The following NDUFS4 variants were observed in gnomAD, a reference collection of about 807,000 sequenced individuals.
NDUFS4 encodes the protein NADH dehydrogenase [ubiquinone] iron-sulfur protein 4, mitochondrial.
NDUFS4 carries 28 observed loss-of-function variants against 24.3 expected under a neutral mutation model. That is an observed-to-expected ratio of 1.15 (90% confidence interval 0.85 to 1.58). The LOEUF (loss-of-function observed/expected upper bound fraction) is 1.58, where lower values mean the gene tolerates loss of function less well. Ranked by LOEUF, NDUFS4 falls within the 40% of genes most tolerant of loss-of-function variation. The pLI, the probability that NDUFS4 is intolerant of heterozygous loss-of-function variation, is 0.00. For synonymous variants in NDUFS4, 93 were observed against 69.7 expected (o/e 1.34, Z -1.67); for missense variants, 223 against 207.9 (o/e 1.07, Z -0.45).
chr5:53,601,768 C>G (rs1054248159), intron 1 of NDUFS4, among the ~76,000 whole-genome samples: 1 of 152,116 alleles, frequency 6.6e-6, no homozygotes, highest in Non-Finnish European at 1.5e-5. Flanking sequence ...TGAATCATCC[C>G]TTTGTCTAGT....
At chr5:53,639,641 A>AT (rs1751653861) in intron 2 of NDUFS4, among the ~76,000 whole-genome samples, 1 of 152,152 alleles carries the variant, frequency 6.6e-6, no homozygotes, top group African/African-American at 2.4e-5. Context: ...GTTCTCAACA[A>AT]TTAAACTGCT....
chr5:53,627,565 G>T (rs1327244957), intron 2 of NDUFS4, among the ~76,000 whole-genome samples: 1 of 152,052 alleles, frequency 6.6e-6, no homozygotes, highest in Non-Finnish European at 1.5e-5. Context: ...TTTTTGCAGT[G>T]GTTTGTAGTT....
intron 3 of NDUFS4, among the ~76,000 whole-genome samples, chr5:53,650,549 G>A (rs139341331): frequency 3.9e-5 from 6 of 152,334 alleles, no homozygotes; most frequent in African/African-American, 1.4e-4. Context: ...AGCCAGACCT[G>A]TTTGTTCAGA....
intron 1 of NDUFS4, among the ~76,000 whole-genome samples, chr5:53,592,259 G>A (rs960593646): frequency 1.3e-5 from 2 of 152,074 alleles, no homozygotes; most frequent in African/African-American, 4.8e-5. Context: ...GCATTGTTGA[G>A]TTTTAAGAGT....
At chr5:53,666,650 C>A (rs1401996240) in intron 4 of NDUFS4, among the ~76,000 whole-genome samples, 2 of 147,032 alleles carry the variant, frequency 1.4e-5, no homozygotes, top group Non-Finnish European at 3.0e-5. Context: ...AAATATATTT[C>A]TCTGACTGGG....
chr5:53,647,349 G>C (rs1415751439), intron 3 of NDUFS4, among the ~76,000 whole-genome samples: 1 of 151,964 alleles, frequency 6.6e-6, no homozygotes, highest in Non-Finnish European at 1.5e-5. Context: ...CAAGTAGCTG[G>C]GAATATAGGT....
chr5:53,594,727 T>C (rs1750078580), intron 1 of NDUFS4, among the ~76,000 whole-genome samples: 1 of 152,146 alleles, frequency 6.6e-6, no homozygotes, highest in Admixed American at 6.5e-5. Flanking sequence ...TTATTTTTCA[T>C]TCCTAGTTTG....
At chr5:53,569,823 T>C (rs1561332377) in intron 1 of NDUFS4, among the ~76,000 whole-genome samples, 1 of 152,190 alleles carries the variant, frequency 6.6e-6, no homozygotes, top group Non-Finnish European at 1.5e-5. Flanking sequence ...GACGCTTTAC[T>C]ACCTCTTGGT....
intron 2 of NDUFS4, among the ~76,000 whole-genome samples, chr5:53,613,582 T>G (rs1320546800): frequency 6.6e-6 from 1 of 151,120 alleles, no homozygotes; most frequent in African/African-American, 2.4e-5. Context: ...GCAATAAATT[T>G]TGTTTTAAAA....
chr5:53,664,134 TTTC>T lies in NDUFS4; in HGVS notation c.424+5513_424+5515del, dbSNP rs551459221. 2.6e-5 allele frequency among the ~76,000 whole-genome samples: 4 copies of T among 152,318 alleles called. No individual in the cohort carries two copies. The South Asian group carries it at 8.3e-4, about 32-fold the overall frequency. On this transcript the variant is annotated intron_variant, in intron 4 of 4. Transcript: ENST00000296684. ...TATGAAATTCTGGGTTGAAAATTCT[TTTC>T]TTTAAGAATGTTGAATATTGGCCCC... is the stretch of plus-strand genomic sequence containing the variant.
chr5:53,612,787 G>A (rs917556919), intron 2 of NDUFS4, among the ~76,000 whole-genome samples: 4 of 152,096 alleles, frequency 2.6e-5, no homozygotes, highest in Non-Finnish European at 5.9e-5. Context: ...TCTGTAAGCA[G>A]CAGCAAGTTA....
chr5:53,663,852 T>C (rs187396940), intron 4 of NDUFS4, among the ~76,000 whole-genome samples: 1 of 152,298 alleles, frequency 6.6e-6, no homozygotes, highest in Admixed American at 6.5e-5. Context: ...AATATTGTTA[T>C]GTGTGAATTT....
At chr5:53,644,798 G>C (rs1466684807) in intron 2 of NDUFS4, among the ~76,000 whole-genome samples, 1 of 152,118 alleles carries the variant, frequency 6.6e-6, no homozygotes, top group Non-Finnish European at 1.5e-5. Flanking sequence ...AACAAGCTGT[G>C]ACAAAGTAGC....
intron 2 of NDUFS4, among the ~76,000 whole-genome samples, chr5:53,607,489 A>G (rs549266656): frequency 6.6e-6 from 1 of 152,300 alleles, no homozygotes; most frequent in East Asian, 1.9e-4. Flanking sequence ...AAAAAAAAGA[A>G]AAAAAAGACT....
chr5:53,596,762 T>C (rs1167266420), intron 1 of NDUFS4, among the ~76,000 whole-genome samples: 1 of 152,230 alleles, frequency 6.6e-6, no homozygotes, highest in Non-Finnish European at 1.5e-5. Flanking sequence ...TCTGGGTTAA[T>C]TTAATTTGTA....
intron 1 of NDUFS4, among the ~76,000 whole-genome samples, chr5:53,589,826 A>T (rs1158938133): frequency 6.6e-6 from 1 of 152,208 alleles, no homozygotes; most frequent in Non-Finnish European, 1.5e-5. Context: ...CTAGCCTCCC[A>T]GCCATACATC....
At chr5:53,662,890 T>G (rs1394526362) in intron 4 of NDUFS4, among the ~76,000 whole-genome samples, 1 of 152,212 alleles carries the variant, frequency 6.6e-6, no homozygotes, top group Non-Finnish European at 1.5e-5. Context: ...CTCTTGCTTC[T>G]GTAGTTCTTT....
intron 1 of NDUFS4, among the ~76,000 whole-genome samples, chr5:53,574,578 CATAAA>C (rs1365199876): frequency 1.3e-5 from 2 of 152,134 alleles, no homozygotes; most frequent in Non-Finnish European, 2.9e-5. Flanking sequence ...ATGCTGGACT[CATAAA>C]ATGAGCTGGG....
intron 3 of NDUFS4, among the ~76,000 whole-genome samples, chr5:53,651,777 T>C (rs1315306831): frequency 2.7e-5 from 4 of 145,800 alleles, no homozygotes; most frequent in African/African-American, 1.0e-4. Flanking sequence ...CTTTATTCTT[T>C]TTTTTTTTTT....
Sources: allele counts gnomAD v4.1 joint callset (sites outside exome capture counted in the v4.1 genomes callset), GRCh38; gene constraint gnomAD v4.1.1; transcripts MANE v1.5; gene names NCBI Gene and HGNC (gene_info 2026-07-23, HGNC 2026-07-21).